Variants in TRHDE observed in about 807,000 individuals in gnomAD.
TRHDE encodes the protein thyrotropin-releasing hormone-degrading ectoenzyme.
Under a neutral mutation model 125.7 loss-of-function variants are expected in TRHDE, and 72 were observed. The observed-to-expected ratio is 0.57, with a 90% CI of 0.47 to 0.70. The LOEUF (loss-of-function observed/expected upper bound fraction) is 0.70. Ranked by LOEUF, TRHDE falls within the 30% of genes least tolerant of loss-of-function variation. TRHDE has a pLI of 0.00. For missense variants in TRHDE, 1,110 were observed against 1,327.1 expected, an observed-to-expected ratio of 0.84 and a Z score of 2.54; for synonymous variants, 509 against 509.1, an observed-to-expected ratio of 1.00 and a Z score of 0.00.
At chr12:72,647,653 T>C (rs1038578450) in intron 15 of TRHDE, among the ~76,000 whole-genome samples, 2 of 152,032 alleles carry the variant, frequency 1.3e-5, no homozygotes, top group Admixed American at 6.6e-5. Flanking sequence ...AACAATTATA[T>C]GCCAACAAAT....
chr12:72,652,264 A>G, intron 15 of TRHDE, 58 bp from the exon 16 acceptor site: 1 of 1,270,662 alleles, frequency 7.9e-7, no homozygotes, highest in Non-Finnish European at 1.0e-6. Context: ...ACCTGTCTTT[A>G]TTTTCAATAC....
chr12:72,098,687 G>C (rs1482376950), intron 1 of TRHDE, among the ~76,000 whole-genome samples: 1 of 152,186 alleles, frequency 6.6e-6, no homozygotes, highest in Non-Finnish European at 1.5e-5. Flanking sequence ...ACGGAAGACT[G>C]TCTAGTCACT....
upstream of TRHDE, among the ~76,000 whole-genome samples, chr12:72,269,579 A>G (rs1481279851): frequency 6.6e-6 from 1 of 152,206 alleles, no homozygotes; most frequent in African/African-American, 2.4e-5. Flanking sequence ...AAGAGAGGAA[A>G]GAGATAACAG....
intron 13 of TRHDE, among the ~76,000 whole-genome samples, chr12:72,619,718 A>C (rs1376097159): frequency 6.6e-6 from 1 of 152,142 alleles, no homozygotes; most frequent in Non-Finnish European, 1.5e-5. Context: ...TTTGATTCTT[A>C]AATTTCTTAT....
chr12:72,245,904 C>T (rs539605235), intron 2 of TRHDE, among the ~76,000 whole-genome samples: 188 of 152,028 alleles, frequency 1.2e-3, no homozygotes, highest in African/African-American at 4.5e-3. Flanking sequence ...TTTTATACAA[C>T]TGGGAGTATA....
chr12:72,332,232 G>A (rs1014113124), intron 2 of TRHDE, among the ~76,000 whole-genome samples: 10 of 152,016 alleles, frequency 6.6e-5, no homozygotes, highest in South Asian at 6.2e-4. Context: ...TCCACCTCCC[G>A]GGTTCACGCC....
chr12:72,238,183 A>C (rs368287095), intron 2 of TRHDE, among the ~76,000 whole-genome samples: 199 of 148,528 alleles, frequency 1.3e-3, no homozygotes, highest in African/African-American at 4.6e-3. Flanking sequence ...TTTCCTTTAG[A>C]AGCCATCGTA....
At chr12:72,345,694 A>T (rs1870296254) in intron 2 of TRHDE, among the ~76,000 whole-genome samples, 1 of 151,946 alleles carries the variant, frequency 6.6e-6, no homozygotes, top group East Asian at 1.9e-4. Context: ...TGTACAGAGC[A>T]TTGTTTAATG....
intron 2 of TRHDE, among the ~76,000 whole-genome samples, chr12:72,296,991 A>G (rs112290617): frequency 2.6e-5 from 4 of 152,190 alleles, no homozygotes; most frequent in African/African-American, 9.6e-5. Flanking sequence ...GTTTCCAGAA[A>G]GCAGCCAAGA....
intron 18 of TRHDE, among the ~76,000 whole-genome samples, chr12:72,658,005 A>C (rs958409608): frequency 4.6e-5 from 7 of 152,116 alleles, no homozygotes; most frequent in African/African-American, 1.7e-4. Flanking sequence ...CACCATCCTT[A>C]ATATCTTCTA....
rs1343833376 is a variant in TRHDE, at chr12:72,386,325, T to C, written c.1315+8204T>C. On this transcript the variant is annotated intron_variant, in intron 3 of 18. Transcript: ENST00000261180. ...AGTTAGGAAATAACCATTTTAAACG[T>C]TTTCATATTTAGTCATTGCATTAGC... Among the ~76,000 whole-genome samples the C allele has an allele frequency of 3.3e-5, 5 of 152,100 alleles. No individual in the cohort carries two copies. The East Asian group carries it at 9.6e-4, about 29-fold the overall frequency.
chr12:72,092,206 T>C (rs1172136374), intron 1 of TRHDE, among the ~76,000 whole-genome samples: 1 of 152,226 alleles, frequency 6.6e-6, no homozygotes, highest in Non-Finnish European at 1.5e-5. Context: ...GAATGAGTAA[T>C]TTCTTTTCCA....
rs993028188 is a variant in TRHDE at position 72,542,182 on chromosome 12, T to C, written c.1723-109T>C. ...TCATGATACTGCTGTTTCTTAATTA[T>C]TTTTGAAAATAGAATAGCATGAATG... On this transcript the variant is annotated intron_variant, in intron 6 of 18. Transcript: ENST00000261180. The C allele has an allele frequency of 1.0e-5, 7 of 675,378 alleles. 1 individual carries two copies. In the African/African-American group the frequency reaches 1.3e-4, roughly 13 times the overall value. The allele number at this position is 675,378 out of a possible 1,614,324, so 41.8% of individuals were successfully genotyped here. A position where few individuals can be genotyped will look rare whatever the true frequency, so the allele number is the denominator to read the frequency against.
intron 6 of TRHDE, among the ~76,000 whole-genome samples, chr12:72,531,650 G>A (rs1418094284): frequency 2.6e-5 from 4 of 151,576 alleles, no homozygotes; most frequent in Non-Finnish European, 4.4e-5. Context: ...ATATTTCTTC[G>A]TTGATGTTGT....
chr12:72,135,469 A>G (rs1875962911), intron 2 of TRHDE, among the ~76,000 whole-genome samples: 1 of 152,138 alleles, frequency 6.6e-6, no homozygotes, highest in Non-Finnish European at 1.5e-5. Flanking sequence ...AAAGCTCAGC[A>G]GTGGTTGGTA....
chr12:72,349,854 C>T (rs1870502365), intron 2 of TRHDE, among the ~76,000 whole-genome samples: 2 of 151,868 alleles, frequency 1.3e-5, no homozygotes, highest in Non-Finnish European at 2.9e-5. Context: ...GACCTAGTTG[C>T]CTCATCTGTA....
chr12:72,514,238 A>T (rs778431081), intron 6 of TRHDE, among the ~76,000 whole-genome samples: 4 of 152,190 alleles, frequency 2.6e-5, no homozygotes, highest in Non-Finnish European at 4.4e-5. Flanking sequence ...CAGTCACATG[A>T]AGAAACAAGT....
intron 2 of TRHDE, among the ~76,000 whole-genome samples, chr12:72,203,523 G>C (rs543768211): frequency 3.3e-5 from 5 of 152,042 alleles, no homozygotes; most frequent in Admixed American, 2.6e-4. Context: ...GCATGTGGGA[G>C]CGTCACTGCA....
chr12:72,663,257 G>A lies in TRHDE; in HGVS notation c.*62G>A. On this transcript the variant is annotated 3_prime_UTR_variant, in exon 19 of 19. Coordinates refer to ENST00000261180, the MANE Select transcript of TRHDE (RefSeq NM_013381.3). ...GTTTATGAGAAGACACGCTTTTTGT[G>A]GAATGAGGAAAATGTACTACCTAGA... The A allele has an allele frequency of 7.2e-7, 1 of 1,380,718 alleles. No homozygotes were observed. The highest frequency in any genetic ancestry group is 9.7e-7 in the Non-Finnish European group (1 of 1,030,734). 85.5% of individuals were successfully genotyped at this position (1,380,718 alleles called of 1,614,324 possible).
Sources: allele counts gnomAD v4.1 joint callset (sites outside exome capture counted in the v4.1 genomes callset), GRCh38; gene constraint gnomAD v4.1.1; transcripts MANE v1.5; gene names NCBI Gene and HGNC (gene_info 2026-07-23, HGNC 2026-07-21).